CSGALNACT1: variants seen among roughly 807,000 people sequenced by gnomAD.
CSGALNACT1 encodes chondroitin sulfate N-acetylgalactosaminyltransferase 1, also known as beta4GalNAcT-1.
CSGALNACT1 carries 52 observed loss-of-function variants against 51.0 expected under a neutral mutation model. That is an observed-to-expected ratio of 1.02 (90% CI 0.82 to 1.29). The LOEUF (loss-of-function observed/expected upper bound fraction) is 1.29, where lower values mean the gene tolerates loss of function less well. Ranked by LOEUF, CSGALNACT1 falls within the 50% of genes most tolerant of loss-of-function variation. The pLI is 0.00. For synonymous variants in CSGALNACT1, 341 were observed against 254.4 expected (o/e 1.34, Z -3.24); for missense variants, 935 against 679.2 (o/e 1.38, Z -4.19).
intron 4 of CSGALNACT1, among the ~76,000 whole-genome samples, chr8:19,470,203 A>G (rs2067801239): frequency 6.6e-6 from 1 of 152,164 alleles, no homozygotes; most frequent in African/African-American, 2.4e-5. Flanking sequence ...ATGGGGATGG[A>G]GCAGAAGGCT....
intron 1 of CSGALNACT1, among the ~76,000 whole-genome samples, chr8:19,716,855 C>A (rs117346267): frequency 1.2e-3 from 182 of 152,092 alleles, no homozygotes; most frequent in Non-Finnish European, 1.5e-3. Context: ...TCCAAATACA[C>A]AAATAGCATA....
chr8:19,606,506 C>T (rs2051391712), upstream of CSGALNACT1, among the ~76,000 whole-genome samples: 7 of 152,174 alleles, frequency 4.6e-5, no homozygotes, highest in Admixed American at 4.6e-4. Flanking sequence ...AATAATTTTA[C>T]TGCAAATAGT....
chr8:19,438,246 T>C (rs1354722294), intron 6 of CSGALNACT1, among the ~76,000 whole-genome samples: 1 of 152,202 alleles, frequency 6.6e-6, no homozygotes, highest in African/African-American at 2.4e-5. Flanking sequence ...CCAGGTGGAC[T>C]ACCACCTTCT....
At chr8:19,632,398 G>A (rs2055391606) in intron 1 of CSGALNACT1, among the ~76,000 whole-genome samples, 1 of 152,348 alleles carries the variant, frequency 6.6e-6, no homozygotes, top group South Asian at 2.1e-4. Flanking sequence ...AAAAGCTTTG[G>A]AAATAGTCCA....
At chr8:19,506,246 T>A in intron 3 of CSGALNACT1, 116 bp from the exon 3 acceptor site, 1 of 381,776 alleles carries the variant, frequency 2.6e-6, no homozygotes, top group Non-Finnish European at 5.1e-6. Flanking sequence ...ATGCCTATGA[T>A]AGATGATTAA....
At chr8:19,543,131 C>T (rs926711826) in intron 3 of CSGALNACT1, among the ~76,000 whole-genome samples, 1 of 152,118 alleles carries the variant, frequency 6.6e-6, no homozygotes, top group African/African-American at 2.4e-5. Flanking sequence ...GTTTTCAAAA[C>T]TAGATGTATA....
intron 3 of CSGALNACT1, among the ~76,000 whole-genome samples, chr8:19,523,968 T>C (rs150017216): frequency 7.0e-4 from 107 of 152,246 alleles, no homozygotes; most frequent in African/African-American, 2.4e-3. Flanking sequence ...ATGGAAAAAC[T>C]TGGGAGAATA....
chr8:19,632,541 ATTT>A (rs1236280918), intron 1 of CSGALNACT1, among the ~76,000 whole-genome samples: 2 of 152,166 alleles, frequency 1.3e-5, no homozygotes, highest in Non-Finnish European at 2.9e-5. Flanking sequence ...TAATTGCTGC[ATTT>A]TGGACGGTAA....
At chr8:19,613,021 G>C (rs1248302892) in intron 1 of CSGALNACT1, among the ~76,000 whole-genome samples, 1 of 114,454 alleles carries the variant, frequency 8.7e-6, no homozygotes, top group Non-Finnish European at 1.7e-5. Context: ...AGAACAACTT[G>C]TCTCATGAAT....
intron 3 of CSGALNACT1, among the ~76,000 whole-genome samples, chr8:19,523,043 C>T (rs17128553): frequency 6.6e-6 from 1 of 152,200 alleles, no homozygotes. Flanking sequence ...TTTGAATACA[C>T]TCGTGTGAAG....
At chr8:19,624,384 C>A (rs896944940) in intron 1 of CSGALNACT1, among the ~76,000 whole-genome samples, 2 of 152,176 alleles carry the variant, frequency 1.3e-5, no homozygotes, top group African/African-American at 4.8e-5. Flanking sequence ...GCTTACATGT[C>A]TTTATGTACT....
At chr8:19,751,163 C>T (rs529447422) in intron 1 of CSGALNACT1, among the ~76,000 whole-genome samples, 5 of 152,246 alleles carry the variant, frequency 3.3e-5, no homozygotes, top group Admixed American at 2.0e-4. Context: ...GAAAAGACAG[C>T]AAAGAAGTCA....
At chr8:19,683,761 T>G (rs2060800504), upstream of CSGALNACT1, among the ~76,000 whole-genome samples, 1 of 152,180 alleles carries the variant, frequency 6.6e-6, no homozygotes, top group South Asian at 2.1e-4. Context: ...CAAAAATGAT[T>G]CTTAAGCTTT....
chr8:19,675,836 G>T (rs536600635), intron 1 of CSGALNACT1, among the ~76,000 whole-genome samples: 24 of 152,032 alleles, frequency 1.6e-4, no homozygotes, highest in Admixed American at 1.4e-3. Flanking sequence ...AAGGTCTCAG[G>T]TTCATCCAAG....
At chr8:19,559,326 C>T (rs1344704559) in intron 3 of CSGALNACT1, among the ~76,000 whole-genome samples, 1 of 152,186 alleles carries the variant, frequency 6.6e-6, no homozygotes, top group African/African-American at 2.4e-5. Flanking sequence ...GAGAAGGTCA[C>T]TTCTTTCCCA....
At chr8:19,717,903 G>C (rs1300844868) in intron 1 of CSGALNACT1, among the ~76,000 whole-genome samples, 1 of 152,080 alleles carries the variant, frequency 6.6e-6, no homozygotes, top group Non-Finnish European at 1.5e-5. Flanking sequence ...ACCTAGTCTA[G>C]GCTAGCCTCA....
chr8:19,464,209 C>G (rs2153831291), intron 4 of CSGALNACT1, among the ~76,000 whole-genome samples: 1 of 152,296 alleles, frequency 6.6e-6, no homozygotes, highest in African/African-American at 2.4e-5. Context: ...CCCTACCTTC[C>G]TACATGGAGC....
chr8:19,673,140 T>C (rs2059919854), intron 1 of CSGALNACT1, among the ~76,000 whole-genome samples: 1 of 152,242 alleles, frequency 6.6e-6, no homozygotes, highest in African/African-American at 2.4e-5. Flanking sequence ...CTGTGACCAT[T>C]GTCCTTTCTG....
chr8:19,538,909 G>A (rs1179323923), intron 3 of CSGALNACT1, among the ~76,000 whole-genome samples: 3 of 152,068 alleles, frequency 2.0e-5, no homozygotes, highest in African/African-American at 7.2e-5. Flanking sequence ...TGCTCTGCCT[G>A]GACCGCTCAT....
Sources: allele counts gnomAD v4.1 joint callset (sites outside exome capture counted in the v4.1 genomes callset), GRCh38; gene constraint gnomAD v4.1.1; transcripts MANE v1.5; gene names NCBI Gene and HGNC (gene_info 2026-07-23, HGNC 2026-07-21).